GABRB2: variants seen among roughly 807,000 people sequenced by gnomAD.
GABRB2 encodes the protein gamma-aminobutyric acid receptor subunit beta-2.
In GABRB2, 16 loss-of-function variants were observed where a neutral mutation model predicts 54.7. The observed-to-expected ratio is 0.29, with a 90% CI of 0.20 to 0.44. GABRB2 has a LOEUF of 0.44. Among genes scored for constraint, GABRB2 ranks in the 20% least tolerant of loss-of-function variants. The pLI is 1.00. For missense variants in GABRB2, 355 were observed against 644.0 expected, an observed-to-expected ratio of 0.55 and a Z score of 4.86; for synonymous variants, 244 against 233.8, an observed-to-expected ratio of 1.04 and a Z score of -0.40.
At chr5:161,504,089 A>G (rs1043392381) in intron 3 of GABRB2, among the ~76,000 whole-genome samples, 1 of 152,212 alleles carries the variant, frequency 6.6e-6, no homozygotes, top group African/African-American at 2.4e-5. Context: ...AAAACAGAGA[A>G]AAATCCACAA....
chr5:161,361,329 G>T (rs1302236816), intron 5 of GABRB2, among the ~76,000 whole-genome samples: 2 of 151,930 alleles, frequency 1.3e-5, no homozygotes, highest in Non-Finnish European at 2.9e-5. Context: ...ATTTTAAATT[G>T]TTAAGTGTAA....
chr5:161,355,076 C>A (rs891683020), intron 5 of GABRB2, among the ~76,000 whole-genome samples: 31 of 151,908 alleles, frequency 2.0e-4, no homozygotes, highest in African/African-American at 7.5e-4. Context: ...CTCATAAAGC[C>A]TGACTTCTCT....
At chr5:161,384,264 T>A (rs181076977) in intron 5 of GABRB2, among the ~76,000 whole-genome samples, 2 of 152,228 alleles carry the variant, frequency 1.3e-5, no homozygotes, top group Non-Finnish European at 2.9e-5. Flanking sequence ...TTTATAAATA[T>A]GGAATAAGGA....
chr5:161,525,222 G>A (rs545099126), intron 3 of GABRB2, among the ~76,000 whole-genome samples: 84 of 151,340 alleles, frequency 5.6e-4, no homozygotes, highest in African/African-American at 1.9e-3. Context: ...AGATCTGGCT[G>A]ACCCCTGATC....
intron 5 of GABRB2, among the ~76,000 whole-genome samples, chr5:161,364,488 A>T (rs1231803358): frequency 6.6e-6 from 1 of 152,176 alleles, no homozygotes; most frequent in Non-Finnish European, 1.5e-5. Flanking sequence ...CAAAATGGTA[A>T]CATTCCAAAA....
intron 4 of GABRB2, among the ~76,000 whole-genome samples, chr5:161,434,274 C>T (rs1242002839): frequency 6.6e-6 from 1 of 152,102 alleles, no homozygotes; most frequent in Non-Finnish European, 1.5e-5. Flanking sequence ...ATAATAAATG[C>T]TATTTATTTG....
chr5:161,457,603 G>A (rs76134185), intron 4 of GABRB2, among the ~76,000 whole-genome samples: 2,187 of 151,890 alleles, frequency 0.014, 31 homozygotes, highest in East Asian at 0.051. Flanking sequence ...CCGCCACTAC[G>A]CCCAGCAAAT....
chr5:161,479,415 T>G (rs1401041520), intron 3 of GABRB2, among the ~76,000 whole-genome samples: 2 of 151,958 alleles, frequency 1.3e-5, no homozygotes, highest in Admixed American at 1.3e-4. Context: ...ATCAGCTCAC[T>G]CTAGTCCTTC....
At chr5:161,388,321 C>T (rs906553408) in intron 5 of GABRB2, among the ~76,000 whole-genome samples, 1 of 151,994 alleles carries the variant, frequency 6.6e-6, no homozygotes, top group African/African-American at 2.4e-5. Context: ...TAGAAGAAGG[C>T]TTTAAAAATT....
At chr5:161,444,693 GCA>G (rs764983129) in intron 4 of GABRB2, among the ~76,000 whole-genome samples, 40 of 152,146 alleles carry the variant, frequency 2.6e-4, no homozygotes, top group Middle Eastern at 3.4e-3. Flanking sequence ...ATCACCTGAA[GCA>G]CAGTCTCACT....
chr5:161,323,135 T>A (rs1319731226), intron 9 of GABRB2, among the ~76,000 whole-genome samples: 1 of 151,740 alleles, frequency 6.6e-6, no homozygotes, highest in Non-Finnish European at 1.5e-5. Context: ...AGCATTCTCC[T>A]GCCTCAGACT....
At chr5:161,318,956 GA>G (rs1758125900) in intron 9 of GABRB2, among the ~76,000 whole-genome samples, 1 of 151,608 alleles carries the variant, frequency 6.6e-6, no homozygotes, top group Non-Finnish European at 1.5e-5. Context: ...TTCTATATAG[GA>G]AAAAAGCTGT....
chr5:161,474,394 T>G (rs564330890), intron 3 of GABRB2, among the ~76,000 whole-genome samples: 2 of 152,140 alleles, frequency 1.3e-5, no homozygotes, highest in South Asian at 4.1e-4. Flanking sequence ...ATGTTTCCCA[T>G]TCTTTCTATA....
chr5:161,433,013 G>A (rs1019378018), intron 4 of GABRB2, among the ~76,000 whole-genome samples: 2 of 152,120 alleles, frequency 1.3e-5, no homozygotes, highest in Non-Finnish European at 2.9e-5. Context: ...TTGATGGTGT[G>A]CTCACAGGGA....
Position 161,494,824 on chromosome 5 carries a change from T to A in GABRB2, c.238-34980A>T, listed in dbSNP as rs891577907. ...TAATTGTATTTAAGGAAAGTTCAGA[T>A]CAGTAAGGAAGCATTTCATCAACAT... On this transcript the variant is annotated intron_variant, in intron 3 of 9. Transcript: ENST00000393959. 2.0e-5 allele frequency among the ~76,000 whole-genome samples: 3 copies of A among 151,792 alleles called. No individual in the cohort carries two copies. In the South Asian group the frequency reaches 6.2e-4, roughly 31 times the overall value.
intron 4 of GABRB2, among the ~76,000 whole-genome samples, chr5:161,456,888 A>G (rs1443920964): frequency 2.0e-5 from 3 of 152,334 alleles, no homozygotes; most frequent in Admixed American, 6.5e-5. Context: ...GGAGGGGCAA[A>G]GTATTGTAGA....
intron 3 of GABRB2, among the ~76,000 whole-genome samples, chr5:161,542,818 C>A (rs866006051): frequency 1.9e-4 from 29 of 152,142 alleles, no homozygotes; most frequent in Admixed American, 1.8e-3. Flanking sequence ...TTCTTTCACA[C>A]CTGAAGCTAA....
chr5:161,546,174 G>A, intron 2 of GABRB2, 148 bp downstream of exon 2: 2 of 657,284 alleles, frequency 3.0e-6, no homozygotes, highest in Non-Finnish European at 5.3e-6. Context: ...TCCAGCTTAA[G>A]TTTTGATCAG....
intron 5 of GABRB2, among the ~76,000 whole-genome samples, chr5:161,370,193 CA>C (rs35455147): frequency 6.5e-4 from 99 of 152,000 alleles, no homozygotes; most frequent in African/African-American, 2.3e-3. Context: ...AATGAAATAG[CA>C]AAAAAGTCTA....
Sources: allele counts gnomAD v4.1 joint callset (sites outside exome capture counted in the v4.1 genomes callset), GRCh38; gene constraint gnomAD v4.1.1; transcripts MANE v1.5; gene names NCBI Gene and HGNC (gene_info 2026-07-23, HGNC 2026-07-21).